The following PLS1 variants were observed in gnomAD, a reference collection of about 807,000 sequenced individuals.
PLS1 encodes plastin 1, also known as plastin-1.
A neutral mutation model predicts 73.7 loss-of-function variants in PLS1; 32 were observed. The ratio of observed to expected loss-of-function variants is 0.43; its 90% CI spans 0.33 to 0.58. The LOEUF is 0.58. Ranked by LOEUF, PLS1 falls within the 20% of genes least tolerant of loss-of-function variation. The probability of loss-of-function intolerance (pLI) is 0.04; values close to 1 mark genes in which losing one functional copy is unlikely to be tolerated. For missense variants in PLS1, 633 were observed against 740.5 expected (o/e 0.85, Z 1.68); for synonymous variants, 217 against 261.3 (o/e 0.83, Z 1.63).
At chr3:142,653,339 G>T (rs1307709757) in intron 1 of PLS1, among the ~76,000 whole-genome samples, 1 of 149,834 alleles carries the variant, frequency 6.7e-6, no homozygotes, top group Non-Finnish European at 1.5e-5. Context: ...TGATACAATT[G>T]TCTTGGTTAC....
At chr3:142,629,139 A>G (rs1026511025) in intron 1 of PLS1, among the ~76,000 whole-genome samples, 1 of 152,184 alleles carries the variant, frequency 6.6e-6, no homozygotes, top group Non-Finnish European at 1.5e-5. Flanking sequence ...GCTTGATTTT[A>G]TAAGTAAAAA....
Position 142,629,258 on chromosome 3 carries a change from G to A in PLS1, c.-37+32749G>A, listed in dbSNP as rs1370835881. 4.0e-5 allele frequency among the ~76,000 whole-genome samples: 6 copies of A among 151,350 alleles called. No individual in the cohort carries two copies. The East Asian group carries it at 9.7e-4, about 25-fold the overall frequency. On this transcript the variant is annotated intron_variant, in intron 1 of 15. Transcript: ENST00000457734. The stretch of plus-strand genomic sequence containing the variant: ...GTCACCCAGGCTGGAGTGCAATGGC[G>A]CGATCTTGGCTTACTGCAACTTCTG...
chr3:142,689,886 G>T (rs955413792), intron 10 of PLS1, 73 bp downstream of exon 10: 11 of 962,192 alleles, frequency 1.1e-5, no homozygotes, highest in Middle Eastern at 6.1e-4. Flanking sequence ...CACTGTCAGA[G>T]ATAGGGGATT....
chr3:142,646,721 G>A (rs2036960781), intron 1 of PLS1, among the ~76,000 whole-genome samples: 1 of 152,240 alleles, frequency 6.6e-6, no homozygotes, highest in South Asian at 2.1e-4. Context: ...TTCTTTGGGA[G>A]TCTATTTCTT....
chr3:142,705,397 C>T (rs912729644), intron 14 of PLS1, among the ~76,000 whole-genome samples: 1 of 152,124 alleles, frequency 6.6e-6, no homozygotes, highest in Non-Finnish European at 1.5e-5. Context: ...TGGCACTTAA[C>T]ACTCACTTCC....
At chr3:142,634,209 G>A (rs1309107576) in intron 1 of PLS1, among the ~76,000 whole-genome samples, 1 of 152,160 alleles carries the variant, frequency 6.6e-6, no homozygotes, top group East Asian at 1.9e-4. Context: ...TAATATTTGT[G>A]TACTTATGTT....
At chr3:142,704,634 A>ATTTTTTT in intron 14 of PLS1, 48 bp downstream of exon 14, 1 of 527,380 alleles carries the variant, frequency 1.9e-6, no homozygotes, top group Non-Finnish European at 3.0e-6. Flanking sequence ...TATAGGAAGG[A>ATTTTTTT]ATTTTTTTTT....
chr3:142,686,810 C>T (rs1022807261), intron 9 of PLS1, among the ~76,000 whole-genome samples: 3 of 152,226 alleles, frequency 2.0e-5, no homozygotes, highest in Non-Finnish European at 4.4e-5. Flanking sequence ...AGAAAGGGAA[C>T]TGCGTAATTG....
intron 1 of PLS1, among the ~76,000 whole-genome samples, chr3:142,650,211 CTTTTTT>C (rs1171297517): frequency 0.02 from 1,430 of 71,030 alleles, 33 homozygotes; most frequent in African/African-American, 0.076. Flanking sequence ...GCTTCTTCTT[CTTTTTT>C]TTTTTTTTTT....
chr3:142,625,434 A>C (rs914529860), intron 1 of PLS1, among the ~76,000 whole-genome samples: 7 of 152,072 alleles, frequency 4.6e-5, no homozygotes, highest in Non-Finnish European at 1.0e-4. Context: ...AGGAAAAACA[A>C]GGTGCTGTCA....
At chr3:142,600,898 ATATATATATATATATATATTTTTTTT>A (rs2035905655) in intron 1 of PLS1, among the ~76,000 whole-genome samples, 1 of 27,880 alleles carries the variant, frequency 3.6e-5, no homozygotes, top group African/African-American at 2.3e-4. Flanking sequence ...ATATATATAT[ATATATATATATATATATATTTTTTTT>A]TTTTTTTTTT....
chr3:142,709,901 T>C (rs897796525), intron 14 of PLS1, among the ~76,000 whole-genome samples: 10 of 152,098 alleles, frequency 6.6e-5, no homozygotes, highest in Non-Finnish European at 1.3e-4. Flanking sequence ...TGGCTTCAGA[T>C]TGTTTTATTA....
intron 1 of PLS1, among the ~76,000 whole-genome samples, chr3:142,613,289 C>G (rs1011109881): frequency 6.6e-6 from 1 of 151,876 alleles, no homozygotes; most frequent in African/African-American, 2.4e-5. Flanking sequence ...ACCAGCCTGG[C>G]CAACGTGGTG....
intron 1 of PLS1, among the ~76,000 whole-genome samples, chr3:142,622,105 C>T (rs2036327199): frequency 1.4e-5 from 2 of 147,870 alleles, no homozygotes; most frequent in Non-Finnish European, 1.5e-5. Flanking sequence ...CAGAATATTT[C>T]CTTACATTCG....
At chr3:142,648,066 A>C (rs140996521) in intron 1 of PLS1, among the ~76,000 whole-genome samples, 418 of 152,302 alleles carry the variant, frequency 2.7e-3, no homozygotes, top group Non-Finnish European at 3.3e-3. Context: ...TCTTTGAGTC[A>C]GGTCTGTGTG....
intron 2 of PLS1, among the ~76,000 whole-genome samples, chr3:142,664,971 CTT>C (rs74661149): frequency 2.4e-4 from 34 of 141,804 alleles, no homozygotes; most frequent in Admixed American, 2.1e-4. Context: ...ATATAAATAC[CTT>C]TTTTTTTTTT....
At chr3:142,633,421 C>A (rs1361491232) in intron 1 of PLS1, among the ~76,000 whole-genome samples, 1 of 152,060 alleles carries the variant, frequency 6.6e-6, no homozygotes, top group East Asian at 1.9e-4. Context: ...TTTGGGAGGC[C>A]GAGACAGATG....
chr3:142,654,644 C>T (rs2037179638), intron 1 of PLS1: 1 of 152,168 alleles, frequency 6.6e-6, no homozygotes, highest in Admixed American at 6.5e-5. Context: ...TGAACCACTG[C>T]CCCTGGCCCA....
At chr3:142,615,955 AG>A (rs143585324) in intron 1 of PLS1, among the ~76,000 whole-genome samples, 6,768 of 152,318 alleles carry the variant, frequency 0.044, 217 homozygotes, top group African/African-American at 0.091. Flanking sequence ...AAGATTGTGG[AG>A]GATGGACCCA....
Sources: gnomAD v4.1 joint callset for allele counts (sites outside exome capture counted in the v4.1 genomes callset) on GRCh38, gnomAD v4.1.1 for gene constraint, MANE v1.5 for transcripts, NCBI Gene and HGNC (gene_info 2026-07-23, HGNC 2026-07-21) for gene names.